Variants in UBR4 observed in about 807,000 individuals in gnomAD.
UBR4 encodes the protein ubiquitin protein ligase E3 component n-recognin 4.
In UBR4, 124 loss-of-function variants were observed where a neutral mutation model predicts 575.6. The observed-to-expected ratio is 0.22, with a 90% CI of 0.19 to 0.25. The LOEUF (loss-of-function observed/expected upper bound fraction) is 0.25. UBR4 is among the 10% of genes least tolerant of loss of function. UBR4 has a pLI of 1.00. For missense variants in UBR4, 4,818 were observed against 6,478.8 expected (o/e 0.74, Z 8.80); for synonymous variants, 2,455 against 2,473.7 (o/e 0.99, Z 0.22).
chr1:19,141,317 G>C, intron 57 of UBR4, 30 bp downstream of exon 57: 3 of 1,614,018 alleles, frequency 1.9e-6, no homozygotes, highest in Non-Finnish European at 2.5e-6. Context: ...AAGGCCAATG[G>C]GCCGCTTTGT....
intron 73 of UBR4, among the ~76,000 whole-genome samples, chr1:19,115,922 C>G (rs1042797505): frequency 2.3e-4 from 35 of 152,202 alleles, no homozygotes; most frequent in African/African-American, 8.2e-4. Context: ...GAAACCATGA[C>G]TCCAAAAGCA....
intron 90 of UBR4, among the ~76,000 whole-genome samples, chr1:19,098,028 T>C (rs1321467221): frequency 6.6e-6 from 1 of 152,230 alleles, no homozygotes; most frequent in African/African-American, 2.4e-5. Context: ...TATTCTCATT[T>C]TGCAGACTAG....
At chr1:19,177,387 C>A (rs984390875) in intron 19 of UBR4, 74 bp downstream of exon 19, 1 of 1,557,294 alleles carries the variant, frequency 6.4e-7, no homozygotes, top group Non-Finnish European at 8.7e-7. Flanking sequence ...ATTTGGGCTG[C>A]GGATCATGGT....
chr1:19,125,889 A>T (rs1196220169), intron 64 of UBR4, among the ~76,000 whole-genome samples: 2 of 152,212 alleles, frequency 1.3e-5, no homozygotes, highest in African/African-American at 4.8e-5. Context: ...TAAGTCCTTT[A>T]CAAAGGGCAC....
At chr1:19,147,728 T>C (rs1427982438) in intron 51 of UBR4, among the ~76,000 whole-genome samples, 1 of 124,384 alleles carries the variant, frequency 8.0e-6, no homozygotes, top group Admixed American at 7.3e-5. Context: ...CCACGCTCAA[T>C]ATCCCTCCTT....
rs770080633 is a variant in UBR4, at chr1:19,197,126, A to G, written c.1018+15T>C. 2 of 1,612,622 alleles carry G rather than the reference A, an allele frequency of 1.2e-6. No individual in the cohort carries two copies. Among genetic ancestry groups the G allele is most frequent in the Admixed American group, 1.7e-5 (1 of 59,602 alleles). On this transcript the variant is annotated intron_variant, in intron 8 of 105. Coordinates refer to ENST00000375254, the MANE Select transcript of UBR4 (RefSeq NM_020765.3). ...CTTGACTGAGAAAATGAGACCAGATATAATAACTTCTCACCTGCATACAGA... is the reference window on the plus strand; with the variant it reads ...CTTGACTGAGAAAATGAGACCAGATGTAATAACTTCTCACCTGCATACAGA...
chr1:19,144,070 A>G lies in UBR4; in HGVS notation c.8089T>C (p.Cys2697Arg). The change falls in exon 55 of 106, where the codon TGT (cysteine) becomes CGT (arginine). Residue 2697 changes from cysteine (C) to arginine (R), a missense_variant. By Grantham distance (180) the Cys-to-Arg change is radical (BLOSUM62 -3). This residue lies in a region of UBR4 where 340 missense variants were observed against 375.4 expected (regional missense o/e 0.91). Coordinates refer to ENST00000375254, the MANE Select transcript of UBR4 (RefSeq NM_020765.3). ...LCPDPAVSFSCKQALIRVLRP... is the reference protein window; with the variant it reads ...LCPDPAVSFSRKQALIRVLRP... Reference sequence around the variant, plus strand: ...AGGACTCGAATTAGAGCTTGTTTACAAGAGAAGCTCACAGCAGGATCCTGA... The same window carrying G: ...AGGACTCGAATTAGAGCTTGTTTACGAGAGAAGCTCACAGCAGGATCCTGA... 2 of 1,614,016 alleles carry G rather than the reference A, an allele frequency of 1.2e-6. No individual in the cohort carries two copies. The highest frequency in any genetic ancestry group is 1.7e-6 in the Non-Finnish European group (2 of 1,179,912).
At chr1:19,173,937 G>A (rs1255532458) in intron 22 of UBR4, among the ~76,000 whole-genome samples, 1 of 152,200 alleles carries the variant, frequency 6.6e-6, no homozygotes, top group Non-Finnish European at 1.5e-5. Flanking sequence ...CTGCTTAGCA[G>A]ACCTGCAATC....
At chr1:19,142,892 C>A (rs902029968) in intron 55 of UBR4, among the ~76,000 whole-genome samples, 3 of 151,812 alleles carry the variant, frequency 2.0e-5, no homozygotes, top group Non-Finnish European at 4.4e-5. Flanking sequence ...GAGGCCGAGG[C>A]GGGCGGATCA....
In UBR4 at chr1:19,157,239, T is replaced by G. The variant is rs2086574917; in HGVS notation, c.5761-314A>C. ...CTAGGAAACTGTTTTTAAAATGATT[T>G]TAGAGTTGTTTGAAGGACTATCCAT... On this transcript the variant is annotated intron_variant, in intron 40 of 105. Coordinates refer to ENST00000375254, the MANE Select transcript of UBR4 (RefSeq NM_020765.3). The surrounding 1 kb of genome is among the most constrained non-coding windows in gnomAD (Gnocchi z 4.4). Among the ~76,000 whole-genome samples, 1 of 152,240 alleles carries G rather than the reference T, an allele frequency of 6.6e-6. No individual in the cohort carries two copies. Among genetic ancestry groups the G allele is most frequent in the African/African-American group, 2.4e-5 (1 of 41,452 alleles).
intron 90 of UBR4, among the ~76,000 whole-genome samples, chr1:19,097,808 G>A (rs976669162): frequency 2.6e-5 from 4 of 152,160 alleles, no homozygotes; most frequent in Non-Finnish European, 5.9e-5. Flanking sequence ...GGAAAAGAGA[G>A]TACATCAATC....
At position 19,155,085 on chromosome 1, in the gene UBR4, CA is replaced by C. The variant is rs1249443264; in HGVS notation, c.6301-11del. The C allele has an allele frequency of 6.2e-7, 1 of 1,613,188 alleles. No individual in the cohort carries two copies. Among genetic ancestry groups the C allele is most frequent in the Non-Finnish European group, 8.5e-7 (1 of 1,179,674 alleles). On this transcript the variant is annotated splice_polypyrimidine_tract_variant and intron_variant, in intron 43 of 105. Transcript: ENST00000375254. ...CCTGGCTGTTACTGTCCTGCTGGCA[CA>C]AAGACACATATTTGCAGTAATTCAT...
At chr1:19,115,046 G>GT in intron 74 of UBR4, 97 bp from the exon 75 acceptor site, 1 of 1,525,922 alleles carries the variant, frequency 6.6e-7, no homozygotes, top group East Asian at 2.3e-5. Flanking sequence ...ATATACTCTG[G>GT]TAACTACTGC....
Position 19,131,243 on chromosome 1 carries a change from TAAAAAAAAAAA to T in UBR4, c.8907-2180_8907-2170del, listed in dbSNP as rs869155620. Reference sequence around the variant, plus strand: ...ACTCTTACACAGTACTCTTGAAACTTAAAAAAAAAAAAAAAAAAAAAAAAAATAAACACAGC... The same window carrying T: ...ACTCTTACACAGTACTCTTGAAACTTAAAAAAAAAAAAAAATAAACACAGC... On this transcript the variant is annotated intron_variant, in intron 60 of 105. Transcript: ENST00000375254. Among the ~76,000 whole-genome samples the T allele has an allele frequency of 1.2e-3, 119 of 102,980 alleles. 2 individuals are homozygous for T. The highest frequency in any genetic ancestry group is 3.8e-3 in the African/African-American group (103 of 27,394). The allele number at this position is 102,980 out of a possible 152,430, so 67.6% of individuals were successfully genotyped here. A position where few individuals can be genotyped will look rare whatever the true frequency, so the allele number is the denominator to read the frequency against.
At chr1:19,111,779 C>T (rs2079910325) in intron 78 of UBR4, 1 of 152,290 alleles carries the variant, frequency 6.6e-6, no homozygotes, top group African/African-American at 2.4e-5. Context: ...CACCACTACA[C>T]CTGTCTAATT....
chr1:19,086,918 G>A, intron 99 of UBR4, 97 bp from the exon 100 acceptor site: 2 of 1,521,842 alleles, frequency 1.3e-6, no homozygotes, highest in Non-Finnish European at 1.8e-6. Flanking sequence ...CTTGGGCAAT[G>A]CCTTGGGTTT....
In UBR4 at chr1:19,153,686, C is replaced by G; in HGVS notation, c.6630+82G>C. On this transcript the variant is annotated intron_variant, in intron 45 of 105. Transcript: ENST00000375254. This position sits in a 1 kb window ranked among gnomAD's most constrained non-coding sequence, Gnocchi z 4.1. ...CTTTTATGGGCCTCCATTGAAAGAG[C>G]TGGGAAAGTGAAATGAATATACAAA... 6.5e-7 allele frequency: 1 copy of G among 1,534,378 alleles called. No homozygotes were observed. Among genetic ancestry groups the G allele is most frequent in the Non-Finnish European group, 8.8e-7 (1 of 1,140,376 alleles).
rs2078572161 is a variant in UBR4 at position 19,100,988 on chromosome 1, A to G, written c.13024-415T>C. Among the ~76,000 whole-genome samples, 1 of 152,062 alleles carries G rather than the reference A, an allele frequency of 6.6e-6. No individual in the cohort carries two copies. On this transcript the variant is annotated intron_variant, in intron 88 of 105. Transcript: ENST00000375254. The surrounding 1 kb of genome is among the most constrained non-coding windows in gnomAD (Gnocchi z 4.2). ...GTCAAGAAAAGGGCTTCTCTATGGGACATGACACTCAGGTACACACCCCCA... is the reference window on the plus strand; with the variant it reads ...GTCAAGAAAAGGGCTTCTCTATGGGGCATGACACTCAGGTACACACCCCCA...
intron 41 of UBR4, 125 bp downstream of exon 41, chr1:19,156,642 G>A (rs2086497949): frequency 5.7e-6 from 8 of 1,412,930 alleles, no homozygotes; most frequent in Non-Finnish European, 7.6e-6. Flanking sequence ...AATTCCTTTT[G>A]CATTTCAGTA....
Sources: gnomAD v4.1 joint callset for allele counts (sites outside exome capture counted in the v4.1 genomes callset) on GRCh38, gnomAD v4.1.1 for gene constraint, gnomAD v4.1.1 regional missense constraint, Gnocchi (gnomAD v3.1) non-coding constraint, MANE v1.5 for transcripts, NCBI Gene and HGNC (gene_info 2026-07-23, HGNC 2026-07-21) for gene names.